The following ZNF333 variants were observed in gnomAD, a reference collection of about 807,000 sequenced individuals.
The protein encoded by ZNF333 is zinc finger protein 333.
Under a neutral mutation model 76.1 loss-of-function variants are expected in ZNF333, and 61 were observed. The observed-to-expected ratio is 0.80, with a 90% CI of 0.65 to 0.99. The LOEUF is 0.99. Among genes scored for constraint, ZNF333 ranks in the 50% least tolerant of loss-of-function variants. The probability of loss-of-function intolerance (pLI) is 0.00; values close to 1 mark genes in which losing one functional copy is unlikely to be tolerated. For synonymous variants in ZNF333, 284 were observed against 305.0 expected (o/e 0.93, Z 0.72); for missense variants, 717 against 822.4 (o/e 0.87, Z 1.57).
At chr19:14,722,808 C>T (rs563543610), downstream of ZNF333, among the ~76,000 whole-genome samples, 10 of 152,198 alleles carry the variant, frequency 6.6e-5, no homozygotes, top group South Asian at 1.0e-3. Context: ...GTTTTTGAGA[C>T]GGAGTCTTGC....
chr19:14,718,792 G>T lies in ZNF333; in HGVS notation c.1465G>T (p.Glu489Ter). 1 of 1,613,870 alleles carries T rather than the reference G, an allele frequency of 6.2e-7. No individual in the cohort carries two copies. The highest frequency in any genetic ancestry group is 8.5e-7 in the Non-Finnish European group (1 of 1,179,974). The change falls in exon 12 of 12, where the codon GAA (glutamate) becomes TAA (stop). Residue 489 changes from glutamate (E) to a stop codon, truncating the protein, a stop_gained. Coordinates refer to ENST00000292530, the MANE Select transcript of ZNF333 (RefSeq NM_032433.4). LOFTEE classifies it high-confidence loss of function. ...CAGCCAGTGTGGGAAAGCCTTCAGGGAACACTCTTCACTGAAGACACATCT... is the reference window on the plus strand; with the variant it reads ...CAGCCAGTGTGGGAAAGCCTTCAGGTAACACTCTTCACTGAAGACACATCT... ...ECSQCGKAFR[E>*]HSSLKTHLRT...
intron 11 of ZNF333, among the ~76,000 whole-genome samples, chr19:14,730,035 TAGAG>T (rs533977583): frequency 1.1e-3 from 172 of 152,098 alleles, no homozygotes; most frequent in Non-Finnish European, 1.9e-3. Context: ...TGAAGGAAAA[TAGAG>T]AGAAGAGAGT....
In ZNF333 at chr19:14,695,135, T is replaced by C. The variant is rs1331095528; in HGVS notation, c.127+2T>C. The C allele has an allele frequency of 6.2e-7, 1 of 1,612,846 alleles. No homozygotes were observed. Among genetic ancestry groups the C allele is most frequent in the East Asian group, 2.2e-5 (1 of 44,840 alleles). ...AGTGCAGGACCCTGGCCTCCAGGGG[T>C]AAGGCTGGCGTCACCTGGCTCCTTC... is the stretch of plus-strand genomic sequence containing the variant. On this transcript the variant is annotated splice_donor_variant, in intron 3 of 11. Transcript: ENST00000292530. LOFTEE classifies it high-confidence loss of function.
chr19:14,699,548 C>T (rs1208228480), intron 5 of ZNF333: 4 of 334,404 alleles, frequency 1.2e-5, no homozygotes, highest in Admixed American at 4.5e-5. Flanking sequence ...TCAGCCTCCA[C>T]CTCCCAGGAT....
rs778138008 is a variant in ZNF333, at chr19:14,705,173, A to G, written c.423+3A>G. On this transcript the variant is annotated splice_donor_region_variant and intron_variant, in intron 6 of 11. Transcript: ENST00000292530. ...CGCCTTGGTCTCTGGGATGCACGGT[A>G]AGCCTGGGAGAGGTTCACTGTGATG... 6.2e-6 allele frequency: 10 copies of G among 1,612,334 alleles called. No homozygotes were observed. Among genetic ancestry groups the G allele is most frequent in the African/African-American group, 1.3e-5 (1 of 74,862 alleles).
At chr19:14,722,629 G>A (rs191909237), downstream of ZNF333, among the ~76,000 whole-genome samples, 1 of 152,180 alleles carries the variant, frequency 6.6e-6, no homozygotes, top group African/African-American at 2.4e-5. Flanking sequence ...CCAACTTATA[G>A]ATATTTTTTG....
downstream of ZNF333, among the ~76,000 whole-genome samples, chr19:14,722,790 G>A (rs28751039): frequency 2.5e-3 from 385 of 152,008 alleles, 1 homozygote; most frequent in African/African-American, 8.8e-3. Flanking sequence ...TTGTTTGTTC[G>A]TTTTTGTGTT....
chr19:14,708,550 A>G, intron 7 of ZNF333: 1 of 384,552 alleles, frequency 2.6e-6, no homozygotes, highest in African/African-American at 2.1e-5. Flanking sequence ...GGGTTTCTCA[A>G]CTGCAGCACT....
chr19:14,715,558 A>C, intron 8 of ZNF333, 88 bp downstream of exon 8: 2,190 of 1,249,962 alleles, frequency 1.8e-3, no homozygotes, highest in Non-Finnish European at 2.3e-3. Context: ...GGATCATCTC[A>C]TAGGGTTGGT....
rs1318534120 is a variant in ZNF333 at position 14,721,358 on chromosome 19, G to A, written c.*2033G>A. 1.4e-5 allele frequency: 2 copies of A among 143,344 alleles called. No individual in the cohort carries two copies. Among genetic ancestry groups the A allele is most frequent in the Non-Finnish European group, 3.0e-5 (2 of 66,908 alleles). The allele number at this position is 143,344 out of a possible 1,614,324, so 8.9% of individuals were successfully genotyped here. ...TACATAAACGTTAATAAATCTTAGG[G>A]TACACCTTGGTGAATTTTGTATATG... On this transcript the variant is annotated 3_prime_UTR_variant, in exon 12 of 12. Transcript: ENST00000292530.
chr19:14,724,850 T>C (rs2042624209), downstream of ZNF333, among the ~76,000 whole-genome samples: 2 of 152,224 alleles, frequency 1.3e-5, no homozygotes, highest in Non-Finnish European at 2.9e-5. Context: ...GCATTAATTC[T>C]TTCCGTGAAA....
intron 7 of ZNF333, among the ~76,000 whole-genome samples, chr19:14,714,074 G>C (rs1308990979): frequency 6.6e-6 from 1 of 152,174 alleles, no homozygotes; most frequent in Non-Finnish European, 1.5e-5. Flanking sequence ...TGGAACGGTG[G>C]AGATGGGAAG....
At position 14,715,359 on chromosome 19, in the gene ZNF333, A is replaced by C. The variant is rs1290968529; in HGVS notation, c.512-23A>C. On this transcript the variant is annotated intron_variant, in intron 7 of 11. Coordinates refer to ENST00000292530, the MANE Select transcript of ZNF333 (RefSeq NM_032433.4). ...CCCAGTAGGCCAGGCACCAACCCTC[A>C]TGCCTCTTCCCTTCTCCCCTAGCTG... 9 of 1,610,014 alleles carry C rather than the reference A, an allele frequency of 5.6e-6. No individual in the cohort carries two copies. In the Admixed American group the frequency reaches 1.0e-4, roughly 18 times the overall value.
chr19:14,714,680 G>A (rs2042375099), intron 7 of ZNF333: 1 of 152,726 alleles, frequency 6.5e-6, no homozygotes, highest in Non-Finnish European at 1.5e-5. Context: ...TCGGGAGGGA[G>A]AGGTGAGGAT....
chr19:14,725,524 C>CGAA (rs1232771564), downstream of ZNF333, among the ~76,000 whole-genome samples: 2 of 152,152 alleles, frequency 1.3e-5, no homozygotes, highest in African/African-American at 4.8e-5. Flanking sequence ...GAATTCCTTC[C>CGAA]CCGTGAGCCT....
rs760868690 is a variant in ZNF333 at position 14,717,670 on chromosome 19, A to G, written c.837A>G (p.Gln279=). 6.2e-7 allele frequency: 1 copy of G among 1,614,060 alleles called. No homozygotes were observed. Among genetic ancestry groups the G allele is most frequent in the East Asian group, 2.2e-5 (1 of 44,872 alleles). Residue 279 remains glutamine (Q), a synonymous_variant, in exon 11 of 12, where the codon CAA becomes CAG. Coordinates refer to ENST00000292530, the MANE Select transcript of ZNF333 (RefSeq NM_032433.4). ...LSDTCAEPQC[Q]PQEAIPSQDT... ...AATTCATTTCAGAACCTCAGTGTCA[A>G]CCCCAAGAGGCAATTCCTAGCCAAG...
intron 4 of ZNF333, among the ~76,000 whole-genome samples, chr19:14,696,500 A>G (rs1973202783): frequency 6.6e-6 from 1 of 152,098 alleles, no homozygotes; most frequent in Non-Finnish European, 1.5e-5. Context: ...TAGACTGGGT[A>G]GTTTATAAAC....
intron 5 of ZNF333, chr19:14,701,437 T>C (rs35767827): frequency 0.1 from 35,246 of 351,918 alleles, 2,075 homozygotes; most frequent in African/African-American, 0.2. Context: ...GACGAAGTCT[T>C]GCTGTGTTGT....
rs201912856 is a variant in ZNF333 at position 14,718,893 on chromosome 19, C to G, written c.1566C>G (p.Asn522Lys). 6.2e-7 allele frequency: 1 copy of G among 1,614,118 alleles called. No homozygotes were observed. Among genetic ancestry groups the G allele is most frequent in the African/African-American group, 1.3e-5 (1 of 75,036 alleles). Reference sequence around the variant, plus strand: ...CCTTCCGGACGAGCACTCATCTGAACGTGCACAAGAGGATACACACAGGGG... The same window carrying G: ...CCTTCCGGACGAGCACTCATCTGAAGGTGCACAAGAGGATACACACAGGGG... ...GKPFRTSTHL[N>K]VHKRIHTGEK... Residue 522 changes from asparagine (N) to lysine (K), a missense_variant, in exon 12 of 12, where the codon AAC (asparagine) becomes AAG (lysine). Coordinates refer to ENST00000292530, the MANE Select transcript of ZNF333 (RefSeq NM_032433.4).
Sources: allele counts gnomAD v4.1 joint callset (sites outside exome capture counted in the v4.1 genomes callset), GRCh38; gene constraint gnomAD v4.1.1; transcripts MANE v1.5; gene names NCBI Gene and HGNC (gene_info 2026-07-23, HGNC 2026-07-21).